The following RNF150 variants were observed in gnomAD, a reference collection of about 807,000 sequenced individuals.
The protein encoded by RNF150 is ring finger protein 150.
Under a neutral mutation model 39.3 loss-of-function variants are expected in RNF150, and 24 were observed. The observed-to-expected ratio is 0.61, with a 90% CI of 0.44 to 0.86. The LOEUF is 0.86. Among genes scored for constraint, RNF150 ranks in the 40% least tolerant of loss-of-function variants. RNF150 has a pLI of 0.00. For synonymous variants in RNF150, 255 were observed against 227.3 expected (o/e 1.12, Z -1.10); for missense variants, 502 against 587.8 (o/e 0.85, Z 1.51).
Position 140,911,157 on chromosome 4 carries a change from G to T in RNF150, c.1185C>A (p.Ile395=). The T allele has an allele frequency of 6.2e-7, 1 of 1,613,746 alleles. No homozygotes were observed. The highest frequency in any genetic ancestry group is 8.5e-7 in the Non-Finnish European group (1 of 1,179,658). The change falls in exon 6 of 7, where the codon ATC becomes ATA. Residue 395 remains isoleucine (I), a synonymous_variant. Coordinates refer to ENST00000515673, the MANE Select transcript of RNF150 (RefSeq NM_020724.2). ...TDPIPQEGDV[I]FTTNSEQEPA... is the part of the protein sequence containing the mutation. ...GGCAGAACTCACTGTTAGTAGTAAA[G>T]ATGACGTCTCCCTCCTGGGGGATGG...
intron 1 of RNF150, chr4:140,996,962 T>C (rs1243925673): frequency 6.6e-6 from 1 of 152,238 alleles, no homozygotes; most frequent in Non-Finnish European, 1.5e-5. Flanking sequence ...ACATACAGTG[T>C]GAAGTAAATT....
intron 1 of RNF150, among the ~76,000 whole-genome samples, chr4:140,988,798 A>G (rs1193662018): frequency 6.6e-6 from 1 of 152,160 alleles, no homozygotes; most frequent in Non-Finnish European, 1.5e-5. Flanking sequence ...TGTTGCACAT[A>G]TACACCATGG....
chr4:141,148,625 G>A (rs184836195), intron 1 of RNF150, among the ~76,000 whole-genome samples: 46 of 152,140 alleles, frequency 3.0e-4, no homozygotes, highest in Admixed American at 3.9e-4. Flanking sequence ...GTATTTTCTA[G>A]AGACAGGGTT....
At chr4:141,108,184 C>A (rs1400625418) in intron 1 of RNF150, among the ~76,000 whole-genome samples, 1 of 152,198 alleles carries the variant, frequency 6.6e-6, no homozygotes, top group Admixed American at 6.5e-5. Flanking sequence ...CTTAGAGGAG[C>A]ACATTTCATT....
chr4:141,194,182 T>C (rs1249195390), intron 1 of RNF150, among the ~76,000 whole-genome samples: 2 of 152,194 alleles, frequency 1.3e-5, no homozygotes, highest in South Asian at 2.1e-4. Context: ...TGCACTAATG[T>C]CTTTCTGTAG....
intron 1 of RNF150, among the ~76,000 whole-genome samples, chr4:141,000,028 A>G (rs1276473651): frequency 2.3e-5 from 1 of 43,934 alleles, no homozygotes; most frequent in Non-Finnish European, 5.7e-5. Flanking sequence ...AAGAAGAAGA[A>G]GAAGAAGAAG....
chr4:141,086,063 CA>C (rs1560730832), intron 1 of RNF150, among the ~76,000 whole-genome samples: 39 of 151,352 alleles, frequency 2.6e-4, no homozygotes, highest in Admixed American at 8.6e-4. Flanking sequence ...CACACACACA[CA>C]CACACCCTTC....
At chr4:140,984,576 A>G (rs1014315140) in intron 1 of RNF150, among the ~76,000 whole-genome samples, 1 of 152,268 alleles carries the variant, frequency 6.6e-6, no homozygotes, top group Non-Finnish European at 1.5e-5. Context: ...CTACACTGTA[A>G]ATCAAAAAGT....
At chr4:141,209,620 T>C (rs1403747401) in intron 1 of RNF150, among the ~76,000 whole-genome samples, 1 of 152,196 alleles carries the variant, frequency 6.6e-6, no homozygotes, top group African/African-American at 2.4e-5. Flanking sequence ...ATTCATATCC[T>C]TTGCCCATTT....
chr4:140,929,112 G>T (rs1731513450), intron 4 of RNF150, among the ~76,000 whole-genome samples: 1 of 152,122 alleles, frequency 6.6e-6, no homozygotes, highest in Non-Finnish European at 1.5e-5. Context: ...CTGGAGGCAG[G>T]GCTCTGCTGT....
chr4:140,979,809 G>A (rs1490439006), intron 1 of RNF150, among the ~76,000 whole-genome samples: 1 of 152,046 alleles, frequency 6.6e-6, no homozygotes, highest in Non-Finnish European at 1.5e-5. Context: ...ACCTGTTTTG[G>A]TCAATGAACG....
At chr4:140,912,913 A>C (rs2111278980) in intron 5 of RNF150, among the ~76,000 whole-genome samples, 1 of 150,446 alleles carries the variant, frequency 6.6e-6, no homozygotes, top group South Asian at 2.1e-4. Context: ...ATCCACTTAC[A>C]ATCTCTTCTC....
intron 6 of RNF150, among the ~76,000 whole-genome samples, chr4:140,873,341 G>A (rs564159066): frequency 1.4e-4 from 22 of 152,216 alleles, no homozygotes; most frequent in African/African-American, 5.3e-4. Context: ...TGCTTGCCTG[G>A]CCTGTGCAGA....
intron 1 of RNF150, among the ~76,000 whole-genome samples, chr4:141,058,933 G>T (rs1737101776): frequency 6.6e-6 from 1 of 152,146 alleles, no homozygotes; most frequent in South Asian, 2.1e-4. Flanking sequence ...ATGAATAAGT[G>T]GTTGGCTGGA....
intron 1 of RNF150, among the ~76,000 whole-genome samples, chr4:141,121,234 G>T (rs1383620126): frequency 6.6e-6 from 1 of 152,128 alleles, no homozygotes; most frequent in Non-Finnish European, 1.5e-5. Flanking sequence ...AGCAGGACTT[G>T]CAGTTCTTCC....
chr4:141,132,221 C>G lies in RNF150; in HGVS notation c.484+104G>C. 8.1e-7 allele frequency: 1 copy of G among 1,234,194 alleles called. No homozygotes were observed. Among genetic ancestry groups the G allele is most frequent in the East Asian group, 2.5e-5 (1 of 39,276 alleles). 76.5% of individuals were successfully genotyped at this position (1,234,194 alleles called of 1,614,324 possible). A position where few individuals can be genotyped will look rare whatever the true frequency, so the allele number is the denominator to read the frequency against. On this transcript the variant is annotated intron_variant, in intron 1 of 6. Coordinates refer to ENST00000515673, the MANE Select transcript of RNF150 (RefSeq NM_020724.2). This position sits in a 1 kb window ranked among gnomAD's most constrained non-coding sequence, Gnocchi z 4.9. ...CCAGGGAACCCAGACACGTCTTCCG[C>G]GCCGCACGGACTTCCCAGAAGGAGC... is the stretch of plus-strand genomic sequence containing the variant.
chr4:141,206,160 C>G (rs1450600930), intron 1 of RNF150, among the ~76,000 whole-genome samples: 2 of 151,956 alleles, frequency 1.3e-5, no homozygotes, highest in Non-Finnish European at 2.9e-5. Context: ...TGGCTCACAC[C>G]TATAATCCTA....
chr4:140,903,245 C>T (rs1428638718), intron 6 of RNF150, among the ~76,000 whole-genome samples: 1 of 152,210 alleles, frequency 6.6e-6, no homozygotes, highest in Middle Eastern at 3.4e-3. Flanking sequence ...ATCAGTTTAC[C>T]TCAAGTAGCT....
intron 6 of RNF150, among the ~76,000 whole-genome samples, chr4:140,891,229 T>C (rs750033850): frequency 4.6e-5 from 7 of 152,218 alleles, no homozygotes; most frequent in Non-Finnish European, 7.3e-5. Flanking sequence ...TTTGATTTAG[T>C]TTCCAATGTT....
Sources: gnomAD v4.1 joint callset for allele counts (sites outside exome capture counted in the v4.1 genomes callset) on GRCh38, gnomAD v4.1.1 for gene constraint, Gnocchi (gnomAD v3.1) non-coding constraint, MANE v1.5 for transcripts, NCBI Gene and HGNC (gene_info 2026-07-23, HGNC 2026-07-21) for gene names.